The following RPP38 variants were observed in gnomAD, a reference collection of about 807,000 sequenced individuals.
RPP38 encodes the protein ribonuclease P protein subunit p38.
RPP38 carries 2 observed loss-of-function variants against 1.7 expected under a neutral mutation model. The ratio of observed to expected loss-of-function variants is 1.18; its 90% CI spans 0.48 to 3.70. The LOEUF (loss-of-function observed/expected upper bound fraction) is 3.70. RPP38 is among the 30% of genes most tolerant of loss of function. The pLI, the probability that RPP38 is intolerant of heterozygous loss-of-function variation, is 0.07. For synonymous variants in RPP38, 151 were observed against 131.8 expected, an observed-to-expected ratio of 1.15 and a Z score of -1.00; for missense variants, 358 against 340.1, an observed-to-expected ratio of 1.05 and a Z score of -0.41.
At chr10:15,099,191 G>A (rs1333924094) in intron 1 of RPP38, among the ~76,000 whole-genome samples, 1 of 152,174 alleles carries the variant, frequency 6.6e-6, no homozygotes, top group African/African-American at 2.4e-5. Context: ...AGGGACTAAT[G>A]TGTATAAAGA....
At position 15,104,066 on chromosome 10, in the gene RPP38, A is replaced by C; in HGVS notation, c.752A>C (p.Gln251Pro). 1 of 1,613,976 alleles carries C rather than the reference A, an allele frequency of 6.2e-7. No individual in the cohort carries two copies. Among genetic ancestry groups the C allele is most frequent in the Non-Finnish European group, 8.5e-7 (1 of 1,179,970 alleles). The change falls in exon 3 of 3, where the codon CAG (glutamine) becomes CCG (proline). Residue 251 changes from glutamine to proline, a missense_variant. Transcript: ENST00000378197. Reference protein sequence around the residue: ...KPKRKLADGRQASVTLQPLKI... With the variant: ...KPKRKLADGRPASVTLQPLKI... ...AAGAGAAAGCTTGCTGACGGTCGGC[A>C]GGCTTCTGTAACATTACAACCCCTT...
At chr10:15,103,113 A>G in intron 2 of RPP38, 192 bp from the exon 3 acceptor site, 1 of 395,372 alleles carries the variant, frequency 2.5e-6, no homozygotes, top group Non-Finnish European at 4.4e-6. Flanking sequence ...AATCGCTTGA[A>G]CCCAGGAGGT....
intron 1 of RPP38, among the ~76,000 whole-genome samples, chr10:15,101,220 A>T (rs1366744054): frequency 6.6e-6 from 1 of 152,234 alleles, no homozygotes; most frequent in Non-Finnish European, 1.5e-5. Flanking sequence ...GTAAGAAGCA[A>T]ATAATACATG....
At position 15,103,507 on chromosome 10, in the gene RPP38, A is replaced by G; in HGVS notation, c.193A>G (p.Lys65Glu). 2 of 1,614,082 alleles carry G rather than the reference A, an allele frequency of 1.2e-6. No homozygotes were observed. Among genetic ancestry groups the G allele is most frequent in the Non-Finnish European group, 1.7e-6 (2 of 1,180,038 alleles). The change falls in exon 3 of 3, where the codon AAA becomes GAA. Residue 65 changes from lysine to glutamate, a missense_variant. By Grantham distance (56) the Lys-to-Glu change is moderately conservative (BLOSUM62 1). Transcript: ENST00000378197. ...IGLQKIEDKK[K>E]KNKTPFLKKE... ...ACTTCAGAAGATTGAAGATAAGAAGAAAAAGAACAAAACACCTTTTCTGAA... is the reference window on the plus strand; with the variant it reads ...ACTTCAGAAGATTGAAGATAAGAAGGAAAAGAACAAAACACCTTTTCTGAA...
chr10:15,098,683 C>G (rs1156777419), intron 1 of RPP38, among the ~76,000 whole-genome samples: 3 of 150,354 alleles, frequency 2.0e-5, no homozygotes, highest in Admixed American at 2.0e-4. Flanking sequence ...GTCAGGAGAT[C>G]GAGACCATCC....
In RPP38 at chr10:15,103,899, C is replaced by T. The variant is rs760946356; in HGVS notation, c.585C>T (p.Ala195=). The change falls in exon 3 of 3, where the codon GCC becomes GCT. Residue 195 remains alanine (A), a synonymous_variant. Coordinates refer to ENST00000378197, the MANE Select transcript of RPP38 (RefSeq NM_183005.5). ...NTTDFVDEVR[A]IIPRVPSLSV... ...CTGACTTTGTGGACGAAGTAAGAGCCATCATCCCCAGAGTCCCCAGTTTAA... is the reference window on the plus strand; with the variant it reads ...CTGACTTTGTGGACGAAGTAAGAGCTATCATCCCCAGAGTCCCCAGTTTAA... The T allele has an allele frequency of 9.9e-6, 16 of 1,614,042 alleles. No homozygotes were observed. The East Asian group carries it at 2.0e-4, about 20-fold the overall frequency.
chr10:15,103,128 G>T (rs535805478), intron 2 of RPP38, 177 bp from the exon 3 acceptor site: 3 of 459,116 alleles, frequency 6.5e-6, no homozygotes, highest in African/African-American at 6.1e-5. Flanking sequence ...GGAGGTGGAG[G>T]TTGCAGTGAG....
intron 1 of RPP38, among the ~76,000 whole-genome samples, chr10:15,098,226 G>GGTT (rs755349303): frequency 1.1e-5 from 1 of 88,002 alleles, no homozygotes; most frequent in African/African-American, 5.2e-5. Context: ...ATTTGAACGT[G>GGTT]TTTTTTTTTT....
In RPP38 at chr10:15,103,914, C is replaced by T; in HGVS notation, c.600C>T (p.Val200=). The T allele has an allele frequency of 6.2e-7, 1 of 1,614,120 alleles. No homozygotes were observed. The highest frequency in any genetic ancestry group is 8.5e-7 in the Non-Finnish European group (1 of 1,180,012). ...AAGTAAGAGCCATCATCCCCAGAGT[C>T]CCCAGTTTAAGTGTACCATGGCTTC... ...VDEVRAIIPR[V]PSLSVPWLQD... The change falls in exon 3 of 3, where the codon GTC becomes GTT. Residue 200 remains valine, a synonymous_variant. Coordinates refer to ENST00000378197, the MANE Select transcript of RPP38 (RefSeq NM_183005.5).
intron 1 of RPP38, among the ~76,000 whole-genome samples, chr10:15,101,900 A>AG (rs1280846190): frequency 6.6e-6 from 1 of 151,928 alleles, no homozygotes; most frequent in African/African-American, 2.4e-5. Flanking sequence ...CAAAAAACAA[A>AG]AAAAAGGGAG....
chr10:15,097,374 T>G lies in RPP38; in HGVS notation c.-522T>G, dbSNP rs1288723799. 6 of 152,268 alleles carry G rather than the reference T, an allele frequency of 3.9e-5. No individual in the cohort carries two copies. The highest frequency in any genetic ancestry group is 1.4e-4 in the African/African-American group (6 of 41,452). 9.4% of individuals were successfully genotyped at this position (152,268 alleles called of 1,614,324 possible). A position where few individuals can be genotyped will look rare whatever the true frequency, so the allele number is the denominator to read the frequency against. On this transcript the variant is annotated 5_prime_UTR_variant, in exon 1 of 3. Transcript: ENST00000378197. The stretch of plus-strand genomic sequence containing the variant: ...CGCACTGGGCGCCGGTGCTGTTGCC[T>G]TCAGGTGACCACGGATTCGCCATCG...
Position 15,103,322 on chromosome 10 carries a change from C to G in RPP38, c.8C>G (p.Ala3Gly), listed in dbSNP as rs746325635. Residue 3 changes from alanine to glycine, a missense_variant, in exon 3 of 3, where the codon GCA (alanine) becomes GGA (glycine). Ala to Gly is a moderately conservative substitution (Grantham distance 60, BLOSUM62 0). Transcript: ENST00000378197. MA[A>G]APQAPGRGSL... ...CTTGGAAGGATTTTCAAAATGGCTG[C>G]AGCTCCTCAAGCACCGGGGCGGGGA... 37 of 1,566,950 alleles carry G rather than the reference C, an allele frequency of 2.4e-5. No individual in the cohort carries two copies. Among genetic ancestry groups the G allele is most frequent in the Non-Finnish European group, 4.3e-6 (5 of 1,160,646 alleles).
In RPP38 at chr10:15,103,869, C is replaced by T. The variant is rs536682096; in HGVS notation, c.555C>T (p.Asn185=). ...KCVLALAFKK[N]TTDFVDEVRA... ...TTCTAGCCTTGGCGTTCAAAAAGAACACCACTGACTTTGTGGACGAAGTAA... is the reference window on the plus strand; with the variant it reads ...TTCTAGCCTTGGCGTTCAAAAAGAATACCACTGACTTTGTGGACGAAGTAA... Residue 185 remains asparagine (N), a synonymous_variant, in exon 3 of 3, where the codon AAC becomes AAT. Coordinates refer to ENST00000378197, the MANE Select transcript of RPP38 (RefSeq NM_183005.5). The T allele has an allele frequency of 1.8e-5, 29 of 1,614,144 alleles. No homozygotes were observed. In the South Asian group the frequency reaches 3.0e-4, roughly 17 times the overall value.
At position 15,103,943 on chromosome 10, in the gene RPP38, A is replaced by G; in HGVS notation, c.629A>G (p.Asp210Gly). ...AGTTTAAGTGTACCATGGCTTCAAG[A>G]CAGAATTGAAGATTCTGGGGAAAAT... Reference protein sequence around the residue: ...VPSLSVPWLQDRIEDSGENLE... With the variant: ...VPSLSVPWLQGRIEDSGENLE... Residue 210 changes from aspartate to glycine, a missense_variant, in exon 3 of 3, where the codon GAC (aspartate) becomes GGC (glycine). By Grantham distance (94) the Asp-to-Gly change is moderately conservative (BLOSUM62 -1). Transcript: ENST00000378197. 1 of 1,614,134 alleles carries G rather than the reference A, an allele frequency of 6.2e-7. No homozygotes were observed.
At chr10:15,101,627 G>A (rs1845110815) in intron 1 of RPP38, among the ~76,000 whole-genome samples, 1 of 152,092 alleles carries the variant, frequency 6.6e-6, no homozygotes, top group South Asian at 2.1e-4. Flanking sequence ...GTGGTGGCTC[G>A]TTCCTGTAAT....
Position 15,104,106 on chromosome 10 carries a change from G to A in RPP38, c.792G>A (p.Leu264=). The change falls in exon 3 of 3, where the codon CTG becomes CTA. Residue 264 remains leucine (L), a synonymous_variant. Coordinates refer to ENST00000378197, the MANE Select transcript of RPP38 (RefSeq NM_183005.5). ...TACAACCCCTTAAAATAAAGAAACT[G>A]ATTCCAAACCCTAATAAGATAAGGA... ...VTLQPLKIKK[L]IPNPNKIRKP... 2 of 1,600,024 alleles carry A rather than the reference G, an allele frequency of 1.2e-6. No homozygotes were observed. The highest frequency in any genetic ancestry group is 8.5e-7 in the Non-Finnish European group (1 of 1,176,550).
At position 15,104,126 on chromosome 10, in the gene RPP38, T is replaced by G. The variant is rs1465223911; in HGVS notation, c.812T>G (p.Ile271Arg). The G allele has an allele frequency of 6.3e-7, 1 of 1,577,006 alleles. No homozygotes were observed. Among genetic ancestry groups the G allele is most frequent in the South Asian group, 1.2e-5 (1 of 84,152 alleles). ...IKKLIPNPNK[I>R]RKPPKSKKAT... Reference sequence around the variant, plus strand: ...AAACTGATTCCAAACCCTAATAAGATAAGGAAACCACCCAAAAGTAAAAAA... The same window carrying G: ...AAACTGATTCCAAACCCTAATAAGAGAAGGAAACCACCCAAAAGTAAAAAA... Residue 271 changes from isoleucine (I) to arginine (R), a missense_variant, in exon 3 of 3, where the codon ATA (isoleucine) becomes AGA (arginine). Ile to Arg is a moderately conservative substitution (Grantham distance 97). Transcript: ENST00000378197.
chr10:15,099,447 C>G (rs75197034), intron 1 of RPP38, among the ~76,000 whole-genome samples: 8,424 of 150,942 alleles, frequency 0.056, 287 homozygotes, highest in Middle Eastern at 0.066. Flanking sequence ...GCCCAGGCAA[C>G]AAAGCAAGAC....
In RPP38 at chr10:15,097,631, C is replaced by G. The variant is rs557995044; in HGVS notation, c.-265C>G. The G allele has an allele frequency of 6.6e-6, 1 of 152,456 alleles. No homozygotes were observed. Among genetic ancestry groups the G allele is most frequent in the Non-Finnish European group, 1.5e-5 (1 of 68,096 alleles). 9.4% of individuals were successfully genotyped at this position (152,456 alleles called of 1,614,324 possible). ...CTTCCGCGTTTCTAGTCCGGCTCCT[C>G]TGCTGGATTGCAGCGCCGGCTGGGC... On this transcript the variant is annotated 5_prime_UTR_variant, in exon 1 of 3. Transcript: ENST00000378197.
Sources: gnomAD v4.1 joint callset for allele counts (sites outside exome capture counted in the v4.1 genomes callset) on GRCh38, gnomAD v4.1.1 for gene constraint, MANE v1.5 for transcripts, NCBI Gene and HGNC (gene_info 2026-07-23, HGNC 2026-07-21) for gene names.